The following SENP7 variants were observed in gnomAD, a reference collection of about 807,000 sequenced individuals.
The protein encoded by SENP7 is sentrin-specific protease 7.
Under a neutral mutation model 141.2 loss-of-function variants are expected in SENP7, and 64 were observed. The observed-to-expected ratio is 0.45, with a 90% CI of 0.37 to 0.56. SENP7 has a LOEUF of 0.56. Among genes scored for constraint, SENP7 ranks in the 20% least tolerant of loss-of-function variants. SENP7 has a pLI of 0.00. For synonymous variants in SENP7, 382 were observed against 426.4 expected (o/e 0.90, Z 1.28); for missense variants, 1,025 against 1,212.2 (o/e 0.85, Z 2.29).
At chr3:101,448,850 C>A (rs1288269562) in intron 4 of SENP7, among the ~76,000 whole-genome samples, 1 of 152,136 alleles carries the variant, frequency 6.6e-6, no homozygotes, top group Non-Finnish European at 1.5e-5. Flanking sequence ...CAGCTTCTCA[C>A]CAGCAACGGA....
chr3:101,411,465 C>T (rs1422065018), intron 5 of SENP7, among the ~76,000 whole-genome samples: 1 of 152,214 alleles, frequency 6.6e-6, no homozygotes, highest in South Asian at 2.1e-4. Context: ...ACAGCCCAAA[C>T]ACCTTTCATC....
intron 10 of SENP7, chr3:101,363,242 G>T: frequency 2.8e-6 from 1 of 357,878 alleles, no homozygotes; most frequent in Non-Finnish European, 3.9e-6. Flanking sequence ...AAATCAGGTA[G>T]CTCCAACATC....
intron 9 of SENP7, among the ~76,000 whole-genome samples, chr3:101,365,675 C>T (rs573392779): frequency 3.3e-4 from 49 of 147,052 alleles, no homozygotes; most frequent in African/African-American, 1.2e-3. Context: ...CTAATTAATG[C>T]AATTTATTTT....
At chr3:101,443,209 C>A (rs964845291) in intron 4 of SENP7, among the ~76,000 whole-genome samples, 1 of 152,174 alleles carries the variant, frequency 6.6e-6, no homozygotes, top group Non-Finnish European at 1.5e-5. Flanking sequence ...AATAGGGAAT[C>A]CTTTCCCCAT....
chr3:101,390,867 A>G (rs1452836958), intron 6 of SENP7, among the ~76,000 whole-genome samples: 1 of 152,202 alleles, frequency 6.6e-6, no homozygotes, highest in Non-Finnish European at 1.5e-5. Flanking sequence ...ACAAATCTCA[A>G]TAACTTTTTA....
At chr3:101,417,446 G>C in intron 5 of SENP7, 147 bp downstream of exon 5, 1 of 621,142 alleles carries the variant, frequency 1.6e-6, no homozygotes. Context: ...ATTAAGATAG[G>C]CAGCTTTAAG....
intron 4 of SENP7, among the ~76,000 whole-genome samples, chr3:101,428,669 T>C (rs1462126376): frequency 6.6e-6 from 1 of 152,236 alleles, no homozygotes; most frequent in African/African-American, 2.4e-5. Flanking sequence ...CAGCTGATAG[T>C]TTCTTTTGCT....
chr3:101,367,375 T>G (rs1199677855), intron 8 of SENP7, among the ~76,000 whole-genome samples: 1 of 152,048 alleles, frequency 6.6e-6, no homozygotes, highest in East Asian at 1.9e-4. Flanking sequence ...ATATGATAAT[T>G]CTTTACTTAG....
chr3:101,437,293 A>C (rs1195293159), intron 4 of SENP7, among the ~76,000 whole-genome samples: 1 of 152,124 alleles, frequency 6.6e-6, no homozygotes. Flanking sequence ...AATGAATAAA[A>C]CCTACTATTG....
intron 6 of SENP7, among the ~76,000 whole-genome samples, chr3:101,398,630 CT>C (rs965631880): frequency 7.9e-5 from 12 of 152,192 alleles, no homozygotes; most frequent in African/African-American, 2.7e-4. Flanking sequence ...CATTAAGTGT[CT>C]GTATCCATTT....
At chr3:101,484,921 C>T (rs1423142510) in intron 3 of SENP7, among the ~76,000 whole-genome samples, 1 of 152,066 alleles carries the variant, frequency 6.6e-6, no homozygotes, top group African/African-American at 2.4e-5. Flanking sequence ...TTGAGGGGAG[C>T]ACAGTGGGAC....
chr3:101,437,874 T>G (rs991874721), intron 4 of SENP7, among the ~76,000 whole-genome samples: 2 of 151,362 alleles, frequency 1.3e-5, no homozygotes, highest in Non-Finnish European at 2.9e-5. Flanking sequence ...AAAATGCAAT[T>G]AAGACTACAA....
In SENP7 at chr3:101,406,131, A is replaced by G. The variant is rs9754646; in HGVS notation, c.483-7076T>C. Among the ~76,000 whole-genome samples the G allele has an allele frequency of 3.4e-3, 517 of 152,338 alleles. 1 individual carries two copies. Among genetic ancestry groups the G allele is most frequent in the Non-Finnish European group, 5.2e-3 (355 of 68,030 alleles). On this transcript the variant is annotated intron_variant, in intron 5 of 23. Coordinates refer to ENST00000394095, the MANE Select transcript of SENP7 (RefSeq NM_020654.5). ...ATCATGCTACTATAAAGACATATGC[A>G]CACATATGTTTATTGTTGCACTATT...
At chr3:101,473,068 C>A (rs545346702) in intron 3 of SENP7, among the ~76,000 whole-genome samples, 3 of 152,218 alleles carry the variant, frequency 2.0e-5, no homozygotes, top group Non-Finnish European at 4.4e-5. Flanking sequence ...CCATTCAAGT[C>A]CCTGCAACAG....
chr3:101,407,457 A>G (rs2061336849), intron 5 of SENP7, among the ~76,000 whole-genome samples: 1 of 152,190 alleles, frequency 6.6e-6, no homozygotes. Flanking sequence ...TATACAGAAC[A>G]TTCCATCCAA....
chr3:101,367,578 C>T (rs554067088), intron 8 of SENP7, among the ~76,000 whole-genome samples: 29 of 151,976 alleles, frequency 1.9e-4, no homozygotes, highest in African/African-American at 6.8e-4. Flanking sequence ...AAGGAAAGAG[C>T]GATACAAGAA....
intron 17 of SENP7, among the ~76,000 whole-genome samples, chr3:101,334,041 G>T (rs2059124395): frequency 6.6e-6 from 1 of 152,174 alleles, no homozygotes; most frequent in African/African-American, 2.4e-5. Context: ...TCGCGCTCCT[G>T]TGAGTATCTA....
rs1469461400 is a variant in SENP7, at chr3:101,325,813, T to A, written c.*130A>T. 7 of 770,942 alleles carry A rather than the reference T, an allele frequency of 9.1e-6. No homozygotes were observed. Among genetic ancestry groups the A allele is most frequent in the Non-Finnish European group, 1.4e-5 (7 of 512,758 alleles). 47.8% of individuals were successfully genotyped at this position (770,942 alleles called of 1,614,324 possible). On this transcript the variant is annotated 3_prime_UTR_variant, in exon 24 of 24. Transcript: ENST00000394095. ...AATAATGTGTCCTACATATTTTAAA[T>A]AATGTTCCAATGACTTATTATAAAA...
intron 1 of SENP7, among the ~76,000 whole-genome samples, chr3:101,509,961 G>A (rs2065782495): frequency 6.7e-6 from 1 of 150,332 alleles, no homozygotes; most frequent in Admixed American, 6.6e-5. Context: ...TAGTGCCTAA[G>A]TACTTAAAGA....
Sources: allele counts gnomAD v4.1 joint callset (sites outside exome capture counted in the v4.1 genomes callset), GRCh38; gene constraint gnomAD v4.1.1; transcripts MANE v1.5; gene names NCBI Gene and HGNC (gene_info 2026-07-23, HGNC 2026-07-21).